Variants in RORA observed in about 807,000 individuals in gnomAD.
RORA encodes the protein nuclear receptor ROR-alpha.
In RORA, 7 loss-of-function variants were observed where a neutral mutation model predicts 69.5. The observed-to-expected ratio is 0.10, with a 90% CI of 0.06 to 0.19. The LOEUF is 0.19. Among genes scored for constraint, RORA ranks in the 10% least tolerant of loss-of-function variants. RORA has a pLI of 1.00. For synonymous variants in RORA, 261 were observed against 240.8 expected, an observed-to-expected ratio of 1.08 and a Z score of -0.78; for missense variants, 457 against 663.0, an observed-to-expected ratio of 0.69 and a Z score of 3.41.
At chr15:60,520,735 A>T (rs1175021826) in intron 3 of RORA, among the ~76,000 whole-genome samples, 1 of 152,186 alleles carries the variant, frequency 6.6e-6, no homozygotes, top group East Asian at 1.9e-4. Flanking sequence ...GTAAAAAAAA[A>T]GTGCTGAAGT....
chr15:60,998,220 G>C (rs376913661), intron 1 of RORA, among the ~76,000 whole-genome samples: 1 of 152,064 alleles, frequency 6.6e-6, no homozygotes, highest in Admixed American at 6.5e-5. Context: ...CTGGAGTACA[G>C]TGGCCCGATC....
intron 1 of RORA, among the ~76,000 whole-genome samples, chr15:61,109,320 C>A (rs972719456): frequency 6.6e-6 from 1 of 152,124 alleles, no homozygotes. Flanking sequence ...CTATTGAGTC[C>A]TTGGAACTTA....
chr15:60,747,177 G>C lies in RORA; in HGVS notation c.167-68491C>G, dbSNP rs545927128. Among the ~76,000 whole-genome samples the C allele has an allele frequency of 9.8e-5, 15 of 152,322 alleles. No homozygotes were observed. The East Asian group carries it at 2.9e-3, about 29-fold the overall frequency. The stretch of plus-strand genomic sequence containing the variant: ...TTTTGGTTAAGGTGAGAACAGCTAA[G>C]TATGGCCCACCTCCCAGATAACAGC... On this transcript the variant is annotated intron_variant, in intron 1 of 10. Coordinates refer to ENST00000335670, the MANE Select transcript of RORA (RefSeq NM_134261.3).
In RORA at chr15:60,856,349, A is replaced by T. The variant is rs147890904; in HGVS notation, c.167-177663T>A. On this transcript the variant is annotated intron_variant, in intron 1 of 10. Coordinates refer to ENST00000335670, the MANE Select transcript of RORA (RefSeq NM_134261.3). ...TCTCAACCCTCCCCCAAGTAATAAC[A>T]CTGAATAGAGTTCACCTTTCCAGGT... Among the ~76,000 whole-genome samples, 156 of 152,254 alleles carry T rather than the reference A, an allele frequency of 1.0e-3. 1 individual carries two copies. The East Asian group carries it at 0.027, about 26-fold the overall frequency.
intron 1 of RORA, among the ~76,000 whole-genome samples, chr15:61,137,059 GAAA>G (rs2079249902): frequency 3.4e-5 from 5 of 146,472 alleles, no homozygotes; most frequent in East Asian, 2.0e-4. Context: ...AAGAAAGAAA[GAAA>G]GAAAGAAAGA....
At chr15:60,858,060 T>A (rs2073399178) in intron 1 of RORA, among the ~76,000 whole-genome samples, 1 of 152,240 alleles carries the variant, frequency 6.6e-6, no homozygotes, top group African/African-American at 2.4e-5. Context: ...CTCAGTTTCC[T>A]TTCTGAAGTT....
At chr15:60,801,121 C>G (rs559584474) in intron 1 of RORA, among the ~76,000 whole-genome samples, 12 of 152,180 alleles carry the variant, frequency 7.9e-5, no homozygotes, top group African/African-American at 2.2e-4. Context: ...TACTGCCAAC[C>G]CTTAGGAACA....
intron 1 of RORA, among the ~76,000 whole-genome samples, chr15:60,744,551 C>A (rs939474507): frequency 2.0e-5 from 3 of 152,180 alleles, no homozygotes; most frequent in African/African-American, 7.2e-5. Context: ...CACTTACGCT[C>A]CCTGAGTTCA....
intron 1 of RORA, among the ~76,000 whole-genome samples, chr15:60,689,234 G>C (rs1277414989): frequency 1.3e-5 from 2 of 152,148 alleles, no homozygotes; most frequent in Non-Finnish European, 1.5e-5. Flanking sequence ...GTGGTCAGCT[G>C]TCAGTGAATT....
intron 1 of RORA, among the ~76,000 whole-genome samples, chr15:61,053,848 G>T (rs865941080): frequency 7.3e-4 from 66 of 90,946 alleles, no homozygotes; most frequent in Non-Finnish European, 9.0e-4. Context: ...TAGACTTCAT[G>T]ATATATATAT....
At chr15:61,045,694 G>A (rs1387433842) in intron 1 of RORA, among the ~76,000 whole-genome samples, 2 of 152,102 alleles carry the variant, frequency 1.3e-5, no homozygotes, top group Non-Finnish European at 2.9e-5. Flanking sequence ...CAGGAGTCAG[G>A]GAGAGGCTGG....
At chr15:60,987,605 G>C (rs1001905364) in intron 1 of RORA, among the ~76,000 whole-genome samples, 1 of 151,458 alleles carries the variant, frequency 6.6e-6, no homozygotes, top group Non-Finnish European at 1.5e-5. Context: ...CATCCTTCAG[G>C]ATGTGTATGA....
At chr15:60,785,451 A>C (rs755082449) in intron 1 of RORA, among the ~76,000 whole-genome samples, 15 of 152,220 alleles carry the variant, frequency 9.9e-5, no homozygotes, top group Non-Finnish European at 2.1e-4. Context: ...TGAGGCATAA[A>C]AAGGAAAAGA....
At chr15:61,094,373 A>T (rs1370109928) in intron 1 of RORA, among the ~76,000 whole-genome samples, 1 of 152,148 alleles carries the variant, frequency 6.6e-6, no homozygotes, top group Non-Finnish European at 1.5e-5. Context: ...AAGTAATCAA[A>T]TATGACCGTA....
intron 1 of RORA, among the ~76,000 whole-genome samples, chr15:60,886,355 C>T (rs1238987484): frequency 6.6e-6 from 1 of 152,182 alleles, no homozygotes; most frequent in Non-Finnish European, 1.5e-5. Context: ...ATATGTTTCC[C>T]ATCTCCCGGT....
At chr15:61,104,507 CT>C (rs1367128590) in intron 1 of RORA, among the ~76,000 whole-genome samples, 1 of 152,196 alleles carries the variant, frequency 6.6e-6, no homozygotes, top group African/African-American at 2.4e-5. Context: ...GCTCTGCTCA[CT>C]CCCCGCTGCC....
chr15:60,972,129 C>A (rs1893735586), intron 1 of RORA, among the ~76,000 whole-genome samples: 2 of 152,178 alleles, frequency 1.3e-5, no homozygotes, highest in Admixed American at 1.3e-4. Flanking sequence ...ATTTTGTAAG[C>A]CATTGGAGTA....
At chr15:61,118,018 G>A (rs577072027) in intron 1 of RORA, among the ~76,000 whole-genome samples, 3 of 152,266 alleles carry the variant, frequency 2.0e-5, no homozygotes, top group South Asian at 4.1e-4. Context: ...CAACAAAGGC[G>A]TATTCGGTTT....
At chr15:60,985,324 A>G (rs942915830) in intron 1 of RORA, among the ~76,000 whole-genome samples, 6 of 152,174 alleles carry the variant, frequency 3.9e-5, no homozygotes, top group Non-Finnish European at 7.3e-5. Context: ...GTGAAGGAGA[A>G]AGCGTAAATT....
Sources: allele counts gnomAD v4.1 joint callset (sites outside exome capture counted in the v4.1 genomes callset), GRCh38; gene constraint gnomAD v4.1.1; transcripts MANE v1.5; gene names NCBI Gene and HGNC (gene_info 2026-07-23, HGNC 2026-07-21).